CTNNA3: variants seen among roughly 807,000 people sequenced by gnomAD.
CTNNA3 encodes the protein catenin alpha-3.
Under a neutral mutation model 95.7 loss-of-function variants are expected in CTNNA3, and 76 were observed. That is an observed-to-expected ratio of 0.79 (90% CI 0.66 to 0.96). CTNNA3 has a LOEUF of 0.96. Among genes scored for constraint, CTNNA3 ranks in the 40% least tolerant of loss-of-function variants. The pLI is 0.00. For missense variants in CTNNA3, 1,191 were observed against 1,089.8 expected, an observed-to-expected ratio of 1.09 and a Z score of -1.31; for synonymous variants, 431 against 374.4, an observed-to-expected ratio of 1.15 and a Z score of -1.74.
chr10:67,629,467 A>G (rs1201849465), intron 2 of CTNNA3, among the ~76,000 whole-genome samples: 1 of 152,208 alleles, frequency 6.6e-6, no homozygotes, highest in African/African-American at 2.4e-5. Context: ...TGGGAGCACA[A>G]GTGAGTCATA....
chr10:66,868,748 CT>C (rs556183960), intron 7 of CTNNA3, among the ~76,000 whole-genome samples: 4 of 30,750 alleles, frequency 1.3e-4, no homozygotes, highest in Non-Finnish European at 3.6e-4. Context: ...GAGACTCCGT[CT>C]CAAAAAAAAA....
At chr10:66,089,108 T>G (rs2081111220) in intron 14 of CTNNA3, among the ~76,000 whole-genome samples, 2 of 152,050 alleles carry the variant, frequency 1.3e-5, no homozygotes, top group African/African-American at 4.8e-5. Flanking sequence ...CCCCTTTTCT[T>G]TTGTTTTTGG....
chr10:67,712,940 A>T (rs34447836), intron 1 of CTNNA3, among the ~76,000 whole-genome samples: 1 of 152,202 alleles, frequency 6.6e-6, no homozygotes, highest in South Asian at 2.1e-4. Flanking sequence ...AAATTGATCT[A>T]ATTAAACTAA....
At chr10:65,977,606 C>A (rs1400094891) in intron 16 of CTNNA3, among the ~76,000 whole-genome samples, 1 of 151,826 alleles carries the variant, frequency 6.6e-6, no homozygotes, top group Admixed American at 6.6e-5. Flanking sequence ...CATGGTGAAA[C>A]CTCATCTCTA....
intron 7 of CTNNA3, among the ~76,000 whole-genome samples, chr10:67,008,195 G>C (rs981485122): frequency 2.0e-5 from 3 of 151,856 alleles, no homozygotes; most frequent in Non-Finnish European, 1.5e-5. Context: ...GCTTTAAAAA[G>C]TTGGGACCAT....
At chr10:66,964,079 T>G (rs1849270247) in intron 7 of CTNNA3, among the ~76,000 whole-genome samples, 1 of 151,966 alleles carries the variant, frequency 6.6e-6, no homozygotes, top group South Asian at 2.1e-4. Flanking sequence ...CTCGATCTTC[T>G]GACCTCGTGA....
chr10:67,698,343 C>T (rs1195616233), upstream of CTNNA3, among the ~76,000 whole-genome samples: 2 of 147,792 alleles, frequency 1.4e-5, no homozygotes, highest in Non-Finnish European at 3.0e-5. Context: ...GCATCAGGAC[C>T]GGCCCCAAAC....
At chr10:67,023,072 A>C (rs568797660) in intron 7 of CTNNA3, among the ~76,000 whole-genome samples, 1 of 152,322 alleles carries the variant, frequency 6.6e-6, no homozygotes, top group Admixed American at 6.5e-5. Context: ...ACTTTTCCCC[A>C]GTTGAGCTAT....
At chr10:66,357,024 T>A (rs1202097439) in intron 12 of CTNNA3, among the ~76,000 whole-genome samples, 1 of 152,124 alleles carries the variant, frequency 6.6e-6, no homozygotes, top group Non-Finnish European at 1.5e-5. Context: ...TGTTGCAGGT[T>A]TTTGCATCTA....
chr10:66,887,172 A>G (rs930959625), intron 7 of CTNNA3, among the ~76,000 whole-genome samples: 2 of 152,174 alleles, frequency 1.3e-5, no homozygotes, highest in African/African-American at 2.4e-5. Flanking sequence ...TAACAGTTAT[A>G]CAATATATAT....
intron 7 of CTNNA3, among the ~76,000 whole-genome samples, chr10:67,092,776 C>T (rs148184340): frequency 3.3e-5 from 5 of 151,922 alleles, no homozygotes; most frequent in East Asian, 1.9e-4. Flanking sequence ...GATGTTGATA[C>T]GAGACAGTGA....
chr10:66,675,850 T>C (rs1490933014), intron 9 of CTNNA3, among the ~76,000 whole-genome samples: 7 of 152,094 alleles, frequency 4.6e-5, no homozygotes, highest in South Asian at 2.1e-4. Flanking sequence ...CCTGTGGCTA[T>C]GACAGAATAT....
chr10:67,371,650 C>A (rs1843471202), intron 5 of CTNNA3, among the ~76,000 whole-genome samples: 1 of 152,144 alleles, frequency 6.6e-6, no homozygotes, highest in Admixed American at 6.5e-5. Flanking sequence ...TGGGTTGGTT[C>A]CAAGTCTTTG....
At chr10:66,773,572 TG>T (rs1260463131) in intron 8 of CTNNA3, among the ~76,000 whole-genome samples, 1 of 152,140 alleles carries the variant, frequency 6.6e-6, no homozygotes, top group Non-Finnish European at 1.5e-5. Flanking sequence ...TGCCACTATG[TG>T]GAAAACCACA....
intron 5 of CTNNA3, among the ~76,000 whole-genome samples, chr10:67,303,135 C>A (rs1228213473): frequency 1.3e-5 from 2 of 152,176 alleles, no homozygotes; most frequent in Non-Finnish European, 2.9e-5. Flanking sequence ...AGGTATAATG[C>A]AGTAACCAAG....
chr10:67,586,012 G>A (rs1320131293), intron 3 of CTNNA3, among the ~76,000 whole-genome samples: 1 of 151,794 alleles, frequency 6.6e-6, no homozygotes, highest in Non-Finnish European at 1.5e-5. Flanking sequence ...ACAGATTTTG[G>A]TATGTTGTGT....
chr10:67,351,336 C>CA (rs1564587762), intron 5 of CTNNA3, among the ~76,000 whole-genome samples: 3 of 150,930 alleles, frequency 2.0e-5, no homozygotes, highest in African/African-American at 7.3e-5. Context: ...AAATATACAC[C>CA]AAAAAAGTCA....
At chr10:67,677,938 C>T (rs1251657343) in intron 1 of CTNNA3, among the ~76,000 whole-genome samples, 1 of 152,022 alleles carries the variant, frequency 6.6e-6, no homozygotes, top group Non-Finnish European at 1.5e-5. Flanking sequence ...AGAAGAGTTG[C>T]CCCGATGCAA....
At chr10:66,407,991 T>C (rs2093071585) in intron 11 of CTNNA3, among the ~76,000 whole-genome samples, 1 of 152,200 alleles carries the variant, frequency 6.6e-6, no homozygotes, top group Non-Finnish European at 1.5e-5. Flanking sequence ...CCCCAACGGA[T>C]ATCAAAATCC....
Sources: allele counts gnomAD v4.1 joint callset (sites outside exome capture counted in the v4.1 genomes callset), GRCh38; gene constraint gnomAD v4.1.1; transcripts MANE v1.5; gene names NCBI Gene and HGNC (gene_info 2026-07-23, HGNC 2026-07-21).